The following RARB variants were observed in gnomAD, a reference collection of about 807,000 sequenced individuals.
RARB encodes HBV-activated protein.
A neutral mutation model predicts 51.9 loss-of-function variants in RARB; 17 were observed. That is an observed-to-expected ratio of 0.33 (90% CI 0.22 to 0.49). The LOEUF (loss-of-function observed/expected upper bound fraction) is 0.49. RARB is among the 20% of genes least tolerant of loss of function. RARB has a pLI of 0.99. For missense variants in RARB, 369 were observed against 550.8 expected, an observed-to-expected ratio of 0.67 and a Z score of 3.30; for synonymous variants, 215 against 195.4, an observed-to-expected ratio of 1.10 and a Z score of -0.84.
rs1329109288 is a variant in RARB, at chr3:25,042,618, A to G, written c.-379-17507A>G. On this transcript the variant is annotated intron_variant, in intron 2 of 11. Transcript: ENST00000383772. ...TGGGACAGCTTGATATGGAAATGTC[A>G]CTTTGGTGAGCTCTGGTTTGTGCCA... 2.0e-5 allele frequency among the ~76,000 whole-genome samples: 3 copies of G among 152,268 alleles called. No homozygotes were observed. The East Asian group carries it at 5.8e-4, about 29-fold the overall frequency.
At chr3:24,942,439 A>T (rs938027778) in intron 2 of RARB, among the ~76,000 whole-genome samples, 2 of 152,184 alleles carry the variant, frequency 1.3e-5, no homozygotes, top group African/African-American at 4.8e-5. Context: ...GGATGCACAC[A>T]GACTCGAGTA....
intron 2 of RARB, among the ~76,000 whole-genome samples, chr3:25,011,759 G>A (rs1697399689): frequency 6.6e-6 from 1 of 152,054 alleles, no homozygotes. Context: ...TGTCCTTAGT[G>A]GACTTTATAA....
At chr3:25,259,984 C>T in intron 5 of RARB, 1 of 985,270 alleles carries the variant, frequency 1.0e-6, no homozygotes, top group Non-Finnish European at 1.2e-6. Context: ...TCTCAGCCAG[C>T]CTTTTACTCT....
chr3:25,181,912 A>G (rs1451712151), intron 5 of RARB, among the ~76,000 whole-genome samples: 1 of 152,200 alleles, frequency 6.6e-6, no homozygotes, highest in African/African-American at 2.4e-5. Context: ...ATTCATAACT[A>G]AAACATTCAC....
intron 3 of RARB, among the ~76,000 whole-genome samples, chr3:25,107,316 A>G (rs891908094): frequency 6.6e-6 from 1 of 152,172 alleles, no homozygotes; most frequent in Non-Finnish European, 1.5e-5. Flanking sequence ...TCGAATTTGT[A>G]CTACAGAACA....
At chr3:25,255,370 A>G (rs1702837669) in intron 5 of RARB, among the ~76,000 whole-genome samples, 1 of 152,286 alleles carries the variant, frequency 6.6e-6, no homozygotes, top group East Asian at 1.9e-4. Flanking sequence ...TACCTTGAAC[A>G]TCATTATGAA....
intron 5 of RARB, among the ~76,000 whole-genome samples, chr3:25,344,849 C>G (rs777771764): frequency 1.3e-5 from 2 of 152,054 alleles, no homozygotes; most frequent in Non-Finnish European, 2.9e-5. Context: ...TCATTTAAAC[C>G]TTTTATACAC....
chr3:25,115,121 A>T (rs1699664662), intron 3 of RARB, among the ~76,000 whole-genome samples: 1 of 152,252 alleles, frequency 6.6e-6, no homozygotes, highest in Admixed American at 6.5e-5. Flanking sequence ...CATTGGCTTC[A>T]TCAAATCCTG....
At chr3:25,549,081 C>A (rs1699737294) in intron 3 of RARB, among the ~76,000 whole-genome samples, 1 of 151,760 alleles carries the variant, frequency 6.6e-6, no homozygotes, top group Admixed American at 6.6e-5. Context: ...TGGCTTACAG[C>A]TCCATTTGAT....
At chr3:25,163,501 C>CAAAAA (rs1385452358) in intron 4 of RARB, among the ~76,000 whole-genome samples, 2 of 78,690 alleles carry the variant, frequency 2.5e-5, no homozygotes, top group Non-Finnish European at 4.9e-5. Context: ...GACCCTATCT[C>CAAAAA]AAAATATATA....
At chr3:24,851,715 T>C (rs1702562554) in intron 1 of RARB, among the ~76,000 whole-genome samples, 1 of 152,238 alleles carries the variant, frequency 6.6e-6, no homozygotes, top group Non-Finnish European at 1.5e-5. Flanking sequence ...AGCATTTTCA[T>C]TGCTATGAAG....
chr3:24,916,881 C>T (rs1047224002), intron 2 of RARB, among the ~76,000 whole-genome samples: 1 of 151,894 alleles, frequency 6.6e-6, no homozygotes, highest in East Asian at 1.9e-4. Flanking sequence ...TGCAGCCTAC[C>T]TGTATAATGA....
At chr3:25,014,822 T>A (rs1349434512) in intron 2 of RARB, among the ~76,000 whole-genome samples, 1 of 151,938 alleles carries the variant, frequency 6.6e-6, no homozygotes, top group Non-Finnish European at 1.5e-5. Context: ...GAAATAAGGA[T>A]AGTATCACAG....
In RARB at chr3:25,458,117, TAAC is replaced by T. The variant is rs945222231; in HGVS notation, c.158-3072_158-3070del. Among the ~76,000 whole-genome samples the T allele has an allele frequency of 4.5e-3, 682 of 152,332 alleles. 5 individuals are homozygous for T. Among genetic ancestry groups the T allele is most frequent in the African/African-American group, 0.016 (652 of 41,580 alleles). On this transcript the variant is annotated intron_variant, in intron 1 of 7. Coordinates refer to ENST00000330688, the MANE Select transcript of RARB (RefSeq NM_000965.5). ...CATTAAAAACAAAATATTTTTAAAA[TAAC>T]AACCTTTGAACTGATAATTACACTT...
intron 3 of RARB, among the ~76,000 whole-genome samples, chr3:25,104,238 G>C (rs1442410621): frequency 6.6e-6 from 1 of 152,146 alleles, no homozygotes; most frequent in East Asian, 1.9e-4. Context: ...GTTTTCACAA[G>C]GCTGTGGTGC....
chr3:25,428,717 A>G lies in RARB; in HGVS notation c.-15A>G, dbSNP rs1337736984. ...AGGATAAGCACTTTTGCAGACATTCAGTGCAAGGGAGATCATGTTTGACTG... is the reference window on the plus strand; with the variant it reads ...AGGATAAGCACTTTTGCAGACATTCGGTGCAAGGGAGATCATGTTTGACTG... On this transcript the variant is annotated 5_prime_UTR_variant, in exon 1 of 8. Transcript: ENST00000330688. 6.3e-7 allele frequency: 1 copy of G among 1,594,046 alleles called. No homozygotes were observed.
At chr3:24,969,446 G>C (rs937497229) in intron 2 of RARB, among the ~76,000 whole-genome samples, 2 of 152,110 alleles carry the variant, frequency 1.3e-5, no homozygotes, top group Non-Finnish European at 1.5e-5. Context: ...GTGAGATTTT[G>C]ATTATACAAG....
intron 5 of RARB, among the ~76,000 whole-genome samples, chr3:25,591,837 T>C (rs1701625869): frequency 6.6e-6 from 1 of 152,226 alleles, no homozygotes; most frequent in Non-Finnish European, 1.5e-5. Context: ...CCTTCCTCCT[T>C]ATCCACGCTG....
chr3:25,456,985 A>G (rs190678242), intron 1 of RARB, among the ~76,000 whole-genome samples: 32 of 152,138 alleles, frequency 2.1e-4, no homozygotes, highest in African/African-American at 6.5e-4. Context: ...CTCTGACATT[A>G]TATTAGTGGT....
Sources: allele counts gnomAD v4.1 joint callset (sites outside exome capture counted in the v4.1 genomes callset), GRCh38; gene constraint gnomAD v4.1.1; transcripts MANE v1.5; gene names NCBI Gene and HGNC (gene_info 2026-07-23, HGNC 2026-07-21).